Variants in ZFAT observed in about 807,000 individuals in gnomAD.
ZFAT encodes zinc finger protein ZFAT.
ZFAT carries 64 observed loss-of-function variants against 117.7 expected under a neutral mutation model. The ratio of observed to expected loss-of-function variants is 0.54; its 90% CI spans 0.44 to 0.67. ZFAT has a LOEUF of 0.67. Among genes scored for constraint, ZFAT ranks in the 30% least tolerant of loss-of-function variants. ZFAT has a pLI of 0.00. For synonymous variants in ZFAT, 679 were observed against 615.0 expected, an observed-to-expected ratio of 1.10 and a Z score of -1.54; for missense variants, 1,433 against 1,584.5, an observed-to-expected ratio of 0.90 and a Z score of 1.62.
intron 11 of ZFAT, among the ~76,000 whole-genome samples, chr8:134,534,775 A>AAGAGAGAGAGAG (rs36097833): frequency 0.094 from 12,812 of 136,112 alleles, 740 homozygotes; most frequent in Non-Finnish European, 0.12. Context: ...GAGAGGGAGA[A>AAGAGAGAGAGAG]AGAGAGAGAG....
chr8:134,485,785 T>C (rs916166364), intron 15 of ZFAT, among the ~76,000 whole-genome samples: 2 of 152,244 alleles, frequency 1.3e-5, no homozygotes, highest in East Asian at 3.8e-4. Context: ...CTGAATCTTA[T>C]GGCTGAATCC....
chr8:134,578,996 A>G (rs78184521), intron 10 of ZFAT, among the ~76,000 whole-genome samples: 2,969 of 152,362 alleles, frequency 0.019, 106 homozygotes, highest in African/African-American at 0.068. Context: ...TCGTAAAAAT[A>G]AAAACTACAA....
intron 12 of ZFAT, among the ~76,000 whole-genome samples, chr8:134,527,682 C>G (rs2130524773): frequency 6.6e-6 from 1 of 152,322 alleles, no homozygotes; most frequent in South Asian, 2.1e-4. Flanking sequence ...CTGGGACTAT[C>G]TGAATCCTAT....
chr8:134,759,999 G>A, the ZFAT span, among the ~76,000 whole-genome samples: 5 of 131,214 alleles, frequency 3.8e-5, no homozygotes, highest in African/African-American at 5.8e-5. Flanking sequence ...AACAAACAGA[G>A]GCCGGGTGCG....
chr8:134,614,453 C>T (rs897035689), intron 3 of ZFAT, among the ~76,000 whole-genome samples: 1 of 152,164 alleles, frequency 6.6e-6, no homozygotes, highest in Non-Finnish European at 1.5e-5. Flanking sequence ...TACTCTGTAC[C>T]CTTCACCTTC....
chr8:134,808,130 T>G, the ZFAT span, among the ~76,000 whole-genome samples: 1 of 152,190 alleles, frequency 6.6e-6, no homozygotes, highest in Admixed American at 6.5e-5. Flanking sequence ...TAAGCTCACA[T>G]GAGTAAGGAG....
intron 1 of ZFAT, among the ~76,000 whole-genome samples, chr8:134,668,014 C>T (rs181240640): frequency 2.5e-4 from 38 of 152,228 alleles, no homozygotes; most frequent in South Asian, 2.5e-3. Context: ...TCATTGCTAG[C>T]ACGGCAGTCT....
intron 7 of ZFAT, chr8:134,598,003 C>T (rs954834589): frequency 6.6e-6 from 1 of 152,322 alleles, no homozygotes; most frequent in African/African-American, 2.4e-5. Context: ...AGAATCAGCA[C>T]AATCCCTGCC....
At chr8:134,560,177 T>G (rs898141149) in intron 11 of ZFAT, among the ~76,000 whole-genome samples, 2 of 152,158 alleles carry the variant, frequency 1.3e-5, no homozygotes, top group Non-Finnish European at 2.9e-5. Flanking sequence ...GGTATGGGGT[T>G]GTGATGTAAG....
intron 5 of ZFAT, among the ~76,000 whole-genome samples, chr8:134,607,528 T>G (rs527527567): frequency 6.6e-6 from 1 of 152,358 alleles, no homozygotes; most frequent in African/African-American, 2.4e-5. Context: ...AGTGTAAGCT[T>G]CATCAGGGCA....
chr8:134,594,669 T>G (rs1253482466), intron 7 of ZFAT: 3 of 152,212 alleles, frequency 2.0e-5, no homozygotes, highest in African/African-American at 7.2e-5. Context: ...CCTCCCTATA[T>G]GCCGTGTCCC....
At position 134,583,908 on chromosome 8, in the gene ZFAT, G is replaced by A. The variant is rs757635936; in HGVS notation, c.2811C>T (p.His937=). 1.9e-6 allele frequency: 3 copies of A among 1,610,268 alleles called. No individual in the cohort carries two copies. In the Admixed American group the frequency reaches 5.0e-5, roughly 27 times the overall value. ...ATTTCTTGCCACACATGTCACATAG[G>A]TGGGTTTTCTCAGTGCTGTGACGAT... is the stretch of plus-strand genomic sequence containing the variant. The part of the protein sequence containing the change: ...HMNRHSTEKT[H]LCDMCGKKFK... Residue 937 remains histidine (H), a synonymous_variant, in exon 10 of 16, where the codon CAC becomes CAT. Transcript: ENST00000377838.
the ZFAT span, among the ~76,000 whole-genome samples, chr8:134,824,639 CAT>C: frequency 6.6e-6 from 1 of 152,208 alleles, no homozygotes; most frequent in African/African-American, 2.4e-5. Flanking sequence ...CCTCTCCTGA[CAT>C]GATTCTAAGT....
chr8:134,531,087 C>T (rs962434275), intron 12 of ZFAT, among the ~76,000 whole-genome samples: 1 of 152,212 alleles, frequency 6.6e-6, no homozygotes. Context: ...AAATATAAAA[C>T]CCCGCTCCTG....
the ZFAT span, among the ~76,000 whole-genome samples, chr8:134,816,819 A>G: frequency 6.6e-6 from 1 of 152,048 alleles, no homozygotes; most frequent in South Asian, 2.1e-4. Context: ...AGTCTCTACC[A>G]AAAATACAAA....
At chr8:134,713,397 C>A (rs988112446), upstream of ZFAT, among the ~76,000 whole-genome samples, 1 of 152,208 alleles carries the variant, frequency 6.6e-6, no homozygotes, top group African/African-American at 2.4e-5. Flanking sequence ...TAACTTGGGG[C>A]AGCGAATTAA....
chr8:134,750,624 G>A, the ZFAT span, among the ~76,000 whole-genome samples: 1 of 152,054 alleles, frequency 6.6e-6, no homozygotes. Flanking sequence ...TGTAAAGCTG[G>A]GCATGTTGGT....
intron 2 of ZFAT, among the ~76,000 whole-genome samples, chr8:134,652,249 T>C (rs1179878640): frequency 1.3e-5 from 2 of 152,090 alleles, no homozygotes; most frequent in South Asian, 2.1e-4. Flanking sequence ...CCTGGGCAAA[T>C]GAGCGAGACT....
chr8:134,568,254 A>G (rs1396322423), intron 10 of ZFAT, among the ~76,000 whole-genome samples: 1 of 152,240 alleles, frequency 6.6e-6, no homozygotes, highest in African/African-American at 2.4e-5. Flanking sequence ...CCCAAAGTGT[A>G]AGGAAACTTT....
Sources: gnomAD v4.1 joint callset for allele counts (sites outside exome capture counted in the v4.1 genomes callset) on GRCh38, gnomAD v4.1.1 for gene constraint, MANE v1.5 for transcripts, NCBI Gene and HGNC (gene_info 2026-07-23, HGNC 2026-07-21) for gene names.